Variants in CENPE observed in about 807,000 individuals in gnomAD.
The protein encoded by CENPE is centromere-associated protein E.
A neutral mutation model predicts 336.1 loss-of-function variants in CENPE; 145 were observed. That is an observed-to-expected ratio of 0.43 (90% CI 0.38 to 0.50). The LOEUF is 0.50. Ranked by LOEUF, CENPE falls within the 20% of genes least tolerant of loss-of-function variation. CENPE has a pLI of 0.00. For missense variants in CENPE, 2,719 were observed against 3,023.3 expected (o/e 0.90, Z 2.36); for synonymous variants, 1,013 against 984.8 (o/e 1.03, Z -0.54).
In CENPE at chr4:103,151,163, C is replaced by CA. The variant is rs138124371; in HGVS notation, c.3396+55_3396+56insT. 3.1e-3 allele frequency: 4,661 copies of CA among 1,524,672 alleles called. 116 individuals carry two copies. The African/African-American group carries it at 0.061, about 20-fold the overall frequency. The allele number at this position is 1,524,672 out of a possible 1,614,324, so 94.4% of individuals were successfully genotyped here. On this transcript the variant is annotated intron_variant, in intron 26 of 48. Coordinates refer to ENST00000265148, the MANE Select transcript of CENPE (RefSeq NM_001813.3). ...TTTAGGTCTACAGAAATAAAAATTA[C>CA]CAAAAAAAAAGTTTAGTTAGAAAAA...
intron 45 of CENPE, chr4:103,116,227 A>G (rs1253018971): frequency 6.6e-6 from 1 of 152,506 alleles, no homozygotes; most frequent in African/African-American, 2.4e-5. Flanking sequence ...GAGAACCAAC[A>G]GAAGCCTTAG....
chr4:103,190,809 T>C (rs1431649332), intron 8 of CENPE, among the ~76,000 whole-genome samples: 1 of 151,768 alleles, frequency 6.6e-6, no homozygotes, highest in African/African-American at 2.4e-5. Context: ...CTAAGTAAAC[T>C]AAAGAGCTTC....
At chr4:103,144,175 ATCTGCCCGCCCT>A (rs1398267547) in intron 33 of CENPE, among the ~76,000 whole-genome samples, 144 bp downstream of exon 33, 1 of 152,088 alleles carries the variant, frequency 6.6e-6, no homozygotes, top group Non-Finnish European at 1.5e-5. Context: ...TGACCTCGTG[ATCTGCCCGCCCT>A]GGCCTCCCAA....
In CENPE at chr4:103,194,644, T is replaced by C; in HGVS notation, c.518A>G (p.Tyr173Cys). 1 of 1,609,692 alleles carries C rather than the reference T, an allele frequency of 6.2e-7. No homozygotes were observed. Among genetic ancestry groups the C allele is most frequent in the Non-Finnish European group, 8.5e-7 (1 of 1,178,326 alleles). Residue 173 changes from tyrosine to cysteine, a missense_variant, in exon 6 of 49, where the codon TAT becomes TGT. Physicochemically the swap from Tyr to Cys is radical, Grantham distance 194 (BLOSUM62 -2). Around this residue, in one of 5 missense-constraint regions of CENPE, gnomAD observed 106 missense variants for 189.3 expected, o/e 0.56. Coordinates refer to ENST00000265148, the MANE Select transcript of CENPE (RefSeq NM_001813.3). ...YVADLTEEVV[Y>C]TSEMALKWIT... ...CCATTTCAAAGCCATTTCTGATGTA[T>C]ATACAACTTCTTCTGTGAGATCAGC...
At position 103,109,036 on chromosome 4, in the gene CENPE, T is replaced by C. The variant is rs1342214385; in HGVS notation, c.7778A>G (p.Lys2593Arg). The change falls in exon 48 of 49, where the codon AAA (lysine) becomes AGA (arginine). Residue 2593 changes from lysine to arginine, a missense_variant. Transcript: ENST00000265148. ...AGTTACTTGTTTGTGAGCCTCTCTT[T>C]TAAGGGTTCTTTCCTTCCAAGTTTT... ...EVKTWKERTLKREAHKQVTCE... is the reference protein window; with the variant it reads ...EVKTWKERTLRREAHKQVTCE... 6.2e-7 allele frequency: 1 copy of C among 1,613,666 alleles called. No homozygotes were observed. Among genetic ancestry groups the C allele is most frequent in the Non-Finnish European group, 8.5e-7 (1 of 1,179,768 alleles).
intron 9 of CENPE, among the ~76,000 whole-genome samples, chr4:103,185,061 T>C (rs564258275): frequency 6.6e-6 from 1 of 152,266 alleles, no homozygotes. Flanking sequence ...TCCCAGAACT[T>C]TGGGAGGCCG....
Position 103,140,879 on chromosome 4 carries a change from C to T in CENPE, c.5689G>A (p.Val1897Ile). ...CTCTCCAGTTTGAGTGTCTCCTCTACTCTTCTTAGATTATCTCTTTCTTTC... is the reference window on the plus strand; with the variant it reads ...CTCTCCAGTTTGAGTGTCTCCTCTATTCTTCTTAGATTATCTCTTTCTTTC... ...VMKERDNLRR[V>I]EETLKLERDQ... is the part of the protein sequence containing the mutation. The change falls in exon 36 of 49, where the codon GTA becomes ATA. Residue 1897 changes from valine (V) to isoleucine (I), a missense_variant. Coordinates refer to ENST00000265148, the MANE Select transcript of CENPE (RefSeq NM_001813.3). 2.5e-6 allele frequency: 4 copies of T among 1,612,132 alleles called. No homozygotes were observed. The highest frequency in any genetic ancestry group is 3.4e-6 in the Non-Finnish European group (4 of 1,179,196).
At chr4:103,153,017 T>C in intron 25 of CENPE, 30 bp downstream of exon 25, 1 of 1,474,736 alleles carries the variant, frequency 6.8e-7, no homozygotes, top group Non-Finnish European at 9.3e-7. Context: ...GACAAAAAGG[T>C]AATGCCAAGT....
Position 103,122,878 on chromosome 4 carries a change from G to A in CENPE, c.7136C>T (p.Thr2379Ile), listed in dbSNP as rs1314319253. The A allele has an allele frequency of 6.2e-7, 1 of 1,609,952 alleles. No individual in the cohort carries two copies. Among genetic ancestry groups the A allele is most frequent in the African/African-American group, 1.3e-5 (1 of 74,848 alleles). ...PHVTSRATQL[T>I]TEKIRELENS... ...TTATAAGAAATTATATACCTCTGTG[G>A]TTAACTGTGTAGCTCTTGATGTAAC... is the stretch of plus-strand genomic sequence containing the variant. The change falls in exon 43 of 49, where the codon ACC becomes ATC. Residue 2379 changes from threonine to isoleucine, a missense_variant. By Grantham distance (89) the Thr-to-Ile change is moderately conservative. Around this residue, in one of 5 missense-constraint regions of CENPE, gnomAD observed 2,437 missense variants for 2,513.3 expected, o/e 0.97. Transcript: ENST00000265148.
chr4:103,114,415 A>T, intron 46 of CENPE, 40 bp downstream of exon 46: 1 of 1,199,858 alleles, frequency 8.3e-7, no homozygotes, highest in Non-Finnish European at 1.2e-6. Context: ...TGTGTTGAGA[A>T]GTAAAATTTC....
chr4:103,165,924 C>T (rs68023422), intron 16 of CENPE, among the ~76,000 whole-genome samples: 25,469 of 149,860 alleles, frequency 0.17, 2,427 homozygotes, highest in Non-Finnish European at 0.2. Flanking sequence ...TTAAAAAGAA[C>T]GGAGTAGGAT....
At chr4:103,191,998 G>A (rs1194037356) in intron 8 of CENPE, among the ~76,000 whole-genome samples, 3 of 152,060 alleles carry the variant, frequency 2.0e-5, no homozygotes, top group Admixed American at 2.0e-4. Context: ...TTGGGTTAGG[G>A]AGGTGGCAGA....
chr4:103,177,071 T>C (rs1367739246), intron 13 of CENPE, 25 bp from the exon 14 acceptor site: 1 of 1,575,696 alleles, frequency 6.3e-7, no homozygotes. Flanking sequence ...ATCAAAATTA[T>C]GTCATATAGA....
chr4:103,137,186 C>T (rs1043684360), intron 39 of CENPE, among the ~76,000 whole-genome samples: 11 of 132,558 alleles, frequency 8.3e-5, no homozygotes, highest in Non-Finnish European at 5.1e-5. Context: ...GCTAAACTTC[C>T]TTTCTGAGGA....
chr4:103,166,212 C>G (rs1229727609), intron 16 of CENPE, among the ~76,000 whole-genome samples: 1 of 152,122 alleles, frequency 6.6e-6, no homozygotes, highest in African/African-American at 2.4e-5. Context: ...CATCTGGTCT[C>G]TACTTCAAGG....
rs761858146 is a variant in CENPE, at chr4:103,153,270, C to T, written c.3034-20G>A. ...AACCATCTAAAACATAAACACATTACAGAAGAATTTCTTAAGTAGTTAACA... is the reference window on the plus strand; with the variant it reads ...AACCATCTAAAACATAAACACATTATAGAAGAATTTCTTAAGTAGTTAACA... On this transcript the variant is annotated intron_variant, in intron 24 of 48. Coordinates refer to ENST00000265148, the MANE Select transcript of CENPE (RefSeq NM_001813.3). 4 of 1,528,970 alleles carry T rather than the reference C, an allele frequency of 2.6e-6. No individual in the cohort carries two copies. The highest frequency in any genetic ancestry group is 3.6e-6 in the Non-Finnish European group (4 of 1,125,808). The allele number at this position is 1,528,970 out of a possible 1,614,324, so 94.7% of individuals were successfully genotyped here. A position where few individuals can be genotyped will look rare whatever the true frequency, so the allele number is the denominator to read the frequency against.
At chr4:103,138,651 T>C (rs1285263838) in intron 38 of CENPE, among the ~76,000 whole-genome samples, 1 of 152,142 alleles carries the variant, frequency 6.6e-6, no homozygotes, top group African/African-American at 2.4e-5. Flanking sequence ...AACTCATTGG[T>C]AAAAAAGTAG....
Position 103,144,478 on chromosome 4 carries a change from C to T in CENPE, c.4998G>A (p.Glu1666=), listed in dbSNP as rs769055618. The change falls in exon 33 of 49, where the codon GAG becomes GAA. Residue 1666 remains glutamate (E), a synonymous_variant. Coordinates refer to ENST00000265148, the MANE Select transcript of CENPE (RefSeq NM_001813.3). ...GTAGTATCTGAGTCAACCTTATATT[C>T]TCCGTTTCTATGTTTTCCAGGTTTA... ...QKLNLENIET[E]NIRLTQILHE... The T allele has an allele frequency of 6.2e-7, 1 of 1,614,070 alleles. No homozygotes were observed.
chr4:103,123,431 C>T (rs1472292413), intron 42 of CENPE, among the ~76,000 whole-genome samples: 1 of 152,020 alleles, frequency 6.6e-6, no homozygotes, highest in African/African-American at 2.4e-5. Context: ...TTAATAATGG[C>T]CCCAAAGCAC....
Sources: gnomAD v4.1 joint callset for allele counts (sites outside exome capture counted in the v4.1 genomes callset) on GRCh38, gnomAD v4.1.1 for gene constraint, gnomAD v4.1.1 regional missense constraint, MANE v1.5 for transcripts, NCBI Gene and HGNC (gene_info 2026-07-23, HGNC 2026-07-21) for gene names.